MTR: variants seen among roughly 807,000 people sequenced by gnomAD.
The protein encoded by MTR is 5-methyltetrahydrofolate-homocysteine methyltransferase, also known as methionine synthase.
In MTR, 84 loss-of-function variants were observed where a neutral mutation model predicts 154.8. That is an observed-to-expected ratio of 0.54 (90% CI 0.45 to 0.65). The LOEUF is 0.65. Ranked by LOEUF, MTR falls within the 30% of genes least tolerant of loss-of-function variation. The pLI, the probability that MTR is intolerant of heterozygous loss-of-function variation, is 0.00. For missense variants in MTR, 1,275 were observed against 1,570.2 expected, an observed-to-expected ratio of 0.81 and a Z score of 3.18; for synonymous variants, 554 against 553.9, an observed-to-expected ratio of 1.00 and a Z score of 0.00.
chr1:236,795,601 G>A lies in MTR; in HGVS notation c.-103G>A. The A allele has an allele frequency of 6.3e-7, 1 of 1,598,822 alleles. No individual in the cohort carries two copies. Among genetic ancestry groups the A allele is most frequent in the Non-Finnish European group, 8.5e-7 (1 of 1,176,310 alleles). On this transcript the variant is annotated 5_prime_UTR_variant, in exon 1 of 33. Coordinates refer to ENST00000366577, the MANE Select transcript of MTR (RefSeq NM_000254.3). ...CGTCAAAAGACCCGGGCCTTGTGTG[G>A]CAGGCTCGCCTGGCGCTGGCTGGCG...
At chr1:236,869,980 T>A (rs1665035792) in intron 22 of MTR, among the ~76,000 whole-genome samples, 1 of 152,190 alleles carries the variant, frequency 6.6e-6, no homozygotes, top group Non-Finnish European at 1.5e-5. Context: ...GTAAATGCTT[T>A]CATTGTAGTA....
rs1662473219 is a variant in MTR at position 236,829,258 on chromosome 1, G to A, written c.1065G>A (p.Met355Ile). The A allele has an allele frequency of 6.2e-7, 1 of 1,613,590 alleles. No individual in the cohort carries two copies. Among genetic ancestry groups the A allele is most frequent in the Non-Finnish European group, 8.5e-7 (1 of 1,179,660 alleles). Residue 355 changes from methionine (M) to isoleucine (I), a missense_variant, in exon 12 of 33, where the codon ATG (methionine) becomes ATA (isoleucine). Physicochemically the swap from Met to Ile is conservative, Grantham distance 10. Transcript: ENST00000366577. Reference sequence around the variant, plus strand: ...CTGCCACTGCTTTTGAAGGACATATGTTACTGTCTGGTGAGTCATAAAGAC... The same window carrying A: ...CTGCCACTGCTTTTGAAGGACATATATTACTGTCTGGTGAGTCATAAAGAC... ...VPPATAFEGH[M>I]LLSGLEPFRI...
chr1:236,886,223 G>A (rs535145828), intron 26 of MTR, 69 bp from the exon 27 acceptor site: 1 of 1,287,834 alleles, frequency 7.8e-7, no homozygotes, highest in African/African-American at 1.5e-5. Flanking sequence ...TGGCCTTCTT[G>A]GACATGTTTT....
intron 12 of MTR, 43 bp from the exon 13 acceptor site, chr1:236,831,923 A>G (rs1420662575): frequency 1.5e-6 from 2 of 1,369,498 alleles, no homozygotes; most frequent in East Asian, 4.6e-5. Context: ...CATGTCATCC[A>G]TATGCATTTG....
intron 28 of MTR, 135 bp downstream of exon 28, chr1:236,889,471 C>A: frequency 1.7e-6 from 2 of 1,166,608 alleles, no homozygotes; most frequent in Non-Finnish European, 2.5e-6. Flanking sequence ...CTCACCTGCC[C>A]AACTTTTTAA....
intron 29 of MTR, among the ~76,000 whole-genome samples, chr1:236,892,075 G>A (rs1666360497): frequency 6.6e-6 from 1 of 152,182 alleles, no homozygotes; most frequent in Non-Finnish European, 1.5e-5. Flanking sequence ...GTAAAAAAGA[G>A]TGTCTTAATC....
intron 8 of MTR, 78 bp from the exon 9 acceptor site, chr1:236,824,041 A>T (rs1475609040): frequency 1.6e-6 from 2 of 1,214,234 alleles, no homozygotes; most frequent in African/African-American, 1.5e-5. Flanking sequence ...TTTTAGATAT[A>T]TTGTCTCCAT....
intron 1 of MTR, among the ~76,000 whole-genome samples, chr1:236,797,355 C>A (rs562693751): frequency 6.6e-6 from 1 of 152,162 alleles, no homozygotes; most frequent in Non-Finnish European, 1.5e-5. Flanking sequence ...TGACTTCAGA[C>A]CATGGTTGTG....
At chr1:236,818,742 GAAC>G (rs1355187825) in intron 8 of MTR, among the ~76,000 whole-genome samples, 6 of 152,142 alleles carry the variant, frequency 3.9e-5, no homozygotes, top group Non-Finnish European at 8.8e-5. Context: ...ACGAACTATA[GAAC>G]AGTGGGATAG....
intron 12 of MTR, among the ~76,000 whole-genome samples, chr1:236,831,597 C>G (rs1179852858): frequency 6.6e-6 from 1 of 152,168 alleles, no homozygotes. Flanking sequence ...GTGGAGCACC[C>G]CTCTTTCAAT....
intron 22 of MTR, among the ~76,000 whole-genome samples, chr1:236,867,337 T>G (rs1664872508): frequency 6.6e-6 from 1 of 152,220 alleles, no homozygotes; most frequent in African/African-American, 2.4e-5. Context: ...CACATCTGTT[T>G]ACAGCATGGG....
intron 5 of MTR, among the ~76,000 whole-genome samples, chr1:236,811,042 A>G (rs149010645): frequency 1.7e-3 from 261 of 152,346 alleles, no homozygotes; most frequent in Non-Finnish European, 3.0e-3. Flanking sequence ...TTTACAGAAG[A>G]AAGAGAGGTT....
chr1:236,850,998 C>T, intron 16 of MTR, among the ~76,000 whole-genome samples: 1 of 152,152 alleles, frequency 6.6e-6, no homozygotes, highest in Middle Eastern at 3.2e-3. Flanking sequence ...TAGCTATTGT[C>T]CTGAGTTTTA....
At position 236,872,079 on chromosome 1, in the gene MTR, T is replaced by G. The variant is rs184332970; in HGVS notation, c.2406-1694T>G. 2.0e-3 allele frequency among the ~76,000 whole-genome samples: 311 copies of G among 152,254 alleles called. 1 individual carries two copies. Among genetic ancestry groups the G allele is most frequent in the African/African-American group, 7.2e-3 (297 of 41,536 alleles). On this transcript the variant is annotated intron_variant, in intron 22 of 32. Transcript: ENST00000366577. ...AATAAGTAAAAATGCATGCTGTAAG[T>G]TTTTCAACATCTTTTAACAAATAGA...
intron 25 of MTR, among the ~76,000 whole-genome samples, chr1:236,883,317 G>A (rs962128791): frequency 5.3e-5 from 8 of 152,138 alleles, no homozygotes; most frequent in Non-Finnish European, 1.2e-4. Context: ...CCATGAACTT[G>A]TTTCCGTCAA....
intron 25 of MTR, 66 bp downstream of exon 25, chr1:236,880,902 A>C: frequency 7.0e-7 from 1 of 1,423,484 alleles, no homozygotes. Flanking sequence ...GTAAGGGTTT[A>C]ACTTAAGATC....
rs1457943736 is a variant in MTR at position 236,899,089 on chromosome 1, G to C, written c.*1445G>C. The C allele has an allele frequency of 6.6e-6, 1 of 152,100 alleles. No individual in the cohort carries two copies. Among genetic ancestry groups the C allele is most frequent in the Non-Finnish European group, 1.5e-5 (1 of 68,020 alleles). The allele number at this position is 152,100 out of a possible 1,614,324, so 9.4% of individuals were successfully genotyped here. On this transcript the variant is annotated 3_prime_UTR_variant, in exon 33 of 33. Transcript: ENST00000366577. Reference sequence around the variant, plus strand: ...GAAGAACCATCTTTGTTCATGAATAGGAATATTCAAGATTATAAAGGTATC... The same window carrying C: ...GAAGAACCATCTTTGTTCATGAATACGAATATTCAAGATTATAAAGGTATC...
At chr1:236,809,687 C>G (rs1413692972) in intron 4 of MTR, among the ~76,000 whole-genome samples, 1 of 152,114 alleles carries the variant, frequency 6.6e-6, no homozygotes, top group Admixed American at 6.5e-5. Flanking sequence ...AATATTTGGG[C>G]CTGTAACCTG....
At chr1:236,893,048 T>C (rs1246346710) in intron 29 of MTR, among the ~76,000 whole-genome samples, 2 of 152,208 alleles carry the variant, frequency 1.3e-5, no homozygotes, top group African/African-American at 4.8e-5. Flanking sequence ...AGTGCCTTAT[T>C]ACTCTGGGAG....
Sources: gnomAD v4.1 joint callset for allele counts (sites outside exome capture counted in the v4.1 genomes callset) on GRCh38, gnomAD v4.1.1 for gene constraint, MANE v1.5 for transcripts, NCBI Gene and HGNC (gene_info 2026-07-23, HGNC 2026-07-21) for gene names.